Variants in SYNPR observed in about 807,000 individuals in gnomAD.
SYNPR encodes the protein synaptoporin.
SYNPR carries 23 observed loss-of-function variants against 32.9 expected under a neutral mutation model. That is an observed-to-expected ratio of 0.70 (90% CI 0.50 to 0.99). The LOEUF (loss-of-function observed/expected upper bound fraction) is 0.99, where lower values mean the gene tolerates loss of function less well. Ranked by LOEUF, SYNPR falls within the 50% of genes least tolerant of loss-of-function variation. The pLI is 0.00. For synonymous variants in SYNPR, 146 were observed against 135.9 expected, an observed-to-expected ratio of 1.07 and a Z score of -0.52; for missense variants, 318 against 349.3, an observed-to-expected ratio of 0.91 and a Z score of 0.71.
intron 3 of SYNPR, among the ~76,000 whole-genome samples, chr3:63,490,781 G>C (rs547910026): frequency 2.0e-5 from 3 of 152,168 alleles, no homozygotes; most frequent in African/African-American, 7.2e-5. Flanking sequence ...TGTTTTGTTT[G>C]AGATGGAGTC....
At chr3:63,562,634 C>T (rs1043850617) in intron 4 of SYNPR, among the ~76,000 whole-genome samples, 3 of 152,148 alleles carry the variant, frequency 2.0e-5, no homozygotes, top group Admixed American at 1.3e-4. Context: ...CAAAACAATC[C>T]TGGGAGAGAC....
chr3:63,610,159 T>C (rs1474895004), intron 5 of SYNPR, among the ~76,000 whole-genome samples: 1 of 152,218 alleles, frequency 6.6e-6, no homozygotes, highest in East Asian at 1.9e-4. Context: ...TTAGTTACTT[T>C]ATAACTTCGG....
At chr3:63,478,820 C>G (rs1199030997) in intron 2 of SYNPR, among the ~76,000 whole-genome samples, 1 of 152,186 alleles carries the variant, frequency 6.6e-6, no homozygotes, top group Non-Finnish European at 1.5e-5. Flanking sequence ...CTCCATCATT[C>G]CATTCTTTCT....
At chr3:63,467,305 G>A (rs1700703235) in intron 2 of SYNPR, among the ~76,000 whole-genome samples, 1 of 152,190 alleles carries the variant, frequency 6.6e-6, no homozygotes, top group African/African-American at 2.4e-5. Context: ...TGCCAGTAGT[G>A]TTCTTAAAGA....
In SYNPR at chr3:63,379,153, T is replaced by C. The variant is rs181663885; in HGVS notation, c.84+100411T>C. ...TTATTGAATTTCTAGTTTGGTTTCATTGAGTATTCTGTATAATTTTAATTC... is the reference window on the plus strand; with the variant it reads ...TTATTGAATTTCTAGTTTGGTTTCACTGAGTATTCTGTATAATTTTAATTC... On this transcript the variant is annotated intron_variant, in intron 2 of 5. Transcript: ENST00000478300. 3.3e-5 allele frequency among the ~76,000 whole-genome samples: 5 copies of C among 152,304 alleles called. No individual in the cohort carries two copies. The East Asian group carries it at 9.6e-4, about 29-fold the overall frequency.
chr3:63,554,642 T>G (rs1702563527), intron 3 of SYNPR, among the ~76,000 whole-genome samples: 2 of 152,180 alleles, frequency 1.3e-5, no homozygotes, highest in Admixed American at 6.5e-5. Flanking sequence ...TTGGGTATTG[T>G]GATGTCTCCA....
chr3:63,235,475 C>T (rs952665551), intron 1 of SYNPR, among the ~76,000 whole-genome samples: 2 of 152,144 alleles, frequency 1.3e-5, no homozygotes, highest in Non-Finnish European at 2.9e-5. Flanking sequence ...ACTGGGCTTA[C>T]GAATCTGCTG....
At chr3:63,537,248 T>G (rs934437952) in intron 3 of SYNPR, among the ~76,000 whole-genome samples, 14 of 152,104 alleles carry the variant, frequency 9.2e-5, no homozygotes, top group African/African-American at 3.4e-4. Context: ...CTTTTATAAC[T>G]ATGTACACAC....
chr3:63,256,899 G>A (rs531169438), intron 2 of SYNPR, among the ~76,000 whole-genome samples: 19 of 152,220 alleles, frequency 1.2e-4, no homozygotes, highest in Admixed American at 7.2e-4. Context: ...TGAAAACCAC[G>A]GCACGAGAAC....
chr3:63,283,712 C>T (rs2086653584), intron 2 of SYNPR, among the ~76,000 whole-genome samples: 1 of 141,572 alleles, frequency 7.1e-6, no homozygotes. Flanking sequence ...ATCTCTTAAA[C>T]TATCATTTGG....
intron 4 of SYNPR, among the ~76,000 whole-genome samples, chr3:63,579,053 CTGT>C (rs1253838598): frequency 6.6e-6 from 1 of 152,136 alleles, no homozygotes; most frequent in Non-Finnish European, 1.5e-5. Context: ...CTAATCCAGA[CTGT>C]TGTCACCTCT....
chr3:63,293,963 T>G (rs1390903211), intron 2 of SYNPR, among the ~76,000 whole-genome samples: 3 of 152,212 alleles, frequency 2.0e-5, no homozygotes, highest in African/African-American at 7.2e-5. Context: ...AGTACCCAAT[T>G]TAGCCCCTAA....
intron 2 of SYNPR, among the ~76,000 whole-genome samples, chr3:63,391,784 G>C (rs2088140286): frequency 6.6e-6 from 1 of 152,166 alleles, no homozygotes; most frequent in Admixed American, 6.5e-5. Context: ...CCAGATGACT[G>C]GGTTTGGAGT....
At chr3:63,311,753 G>A (rs2086966244) in intron 2 of SYNPR, among the ~76,000 whole-genome samples, 1 of 151,982 alleles carries the variant, frequency 6.6e-6, no homozygotes, top group Non-Finnish European at 1.5e-5. Flanking sequence ...TGAATACTTA[G>A]AAGTATTGTC....
intron 2 of SYNPR, among the ~76,000 whole-genome samples, chr3:63,317,569 T>C (rs1001938813): frequency 2.0e-5 from 3 of 152,096 alleles, no homozygotes; most frequent in African/African-American, 7.2e-5. Context: ...TCACTTTTGG[T>C]GTCCATTTGC....
chr3:63,452,883 T>C (rs190816711), intron 2 of SYNPR, among the ~76,000 whole-genome samples: 1 of 152,294 alleles, frequency 6.6e-6, no homozygotes, highest in African/African-American at 2.4e-5. Flanking sequence ...AAATGGATCT[T>C]TTTATGTGTA....
At chr3:63,606,450 T>A (rs2106899987) in intron 4 of SYNPR, among the ~76,000 whole-genome samples, 1 of 130,360 alleles carries the variant, frequency 7.7e-6, no homozygotes, top group South Asian at 2.5e-4. Flanking sequence ...AGCAATGAGA[T>A]CTCATCCTGT....
intron 2 of SYNPR, among the ~76,000 whole-genome samples, chr3:63,410,424 A>G (rs1269262810): frequency 6.6e-6 from 1 of 152,152 alleles, no homozygotes; most frequent in Non-Finnish European, 1.5e-5. Flanking sequence ...GGTCTGCTCT[A>G]TGTCAGGCAG....
chr3:63,450,665 G>A (rs560294536), intron 2 of SYNPR, among the ~76,000 whole-genome samples: 20 of 152,248 alleles, frequency 1.3e-4, no homozygotes, highest in African/African-American at 4.3e-4. Flanking sequence ...CCTCACTAAA[G>A]GATGCAGAGC....
Sources: allele counts gnomAD v4.1 joint callset (sites outside exome capture counted in the v4.1 genomes callset), GRCh38; gene constraint gnomAD v4.1.1; transcripts MANE v1.5; gene names NCBI Gene and HGNC (gene_info 2026-07-23, HGNC 2026-07-21).